HPSE2: variants seen among roughly 807,000 people sequenced by gnomAD.
HPSE2 encodes the protein inactive heparanase-2.
HPSE2 carries 38 observed loss-of-function variants against 60.5 expected under a neutral mutation model. The observed-to-expected ratio is 0.63, with a 90% CI of 0.48 to 0.82. The LOEUF (loss-of-function observed/expected upper bound fraction) is 0.82. Ranked by LOEUF, HPSE2 falls within the 40% of genes least tolerant of loss-of-function variation. The pLI is 0.00. For synonymous variants in HPSE2, 295 were observed against 293.2 expected (o/e 1.01, Z -0.06); for missense variants, 713 against 740.4 (o/e 0.96, Z 0.43).
intron 9 of HPSE2, among the ~76,000 whole-genome samples, chr10:98,529,080 A>C (rs1442925137): frequency 6.6e-6 from 1 of 152,270 alleles, no homozygotes; most frequent in African/African-American, 2.4e-5. Flanking sequence ...GCGCGCACAC[A>C]CACAGACACA....
At chr10:98,895,044 A>G (rs561637787) in intron 3 of HPSE2, among the ~76,000 whole-genome samples, 1 of 152,242 alleles carries the variant, frequency 6.6e-6, no homozygotes, top group Admixed American at 6.5e-5. Flanking sequence ...ACGATTTTTC[A>G]AAAATGAGAG....
At chr10:98,737,695 A>G (rs1949393015) in intron 4 of HPSE2, among the ~76,000 whole-genome samples, 1 of 152,188 alleles carries the variant, frequency 6.6e-6, no homozygotes. Context: ...ACAAACACAG[A>G]GCCAAATCAT....
chr10:99,112,542 G>A (rs1564816762), intron 3 of HPSE2, among the ~76,000 whole-genome samples: 1 of 152,042 alleles, frequency 6.6e-6, no homozygotes, highest in East Asian at 1.9e-4. Context: ...GTTTGCCTCG[G>A]CCTCCCAAAG....
intron 11 of HPSE2, among the ~76,000 whole-genome samples, chr10:98,480,697 A>T (rs1941202857): frequency 6.6e-6 from 1 of 152,108 alleles, no homozygotes; most frequent in East Asian, 1.9e-4. Context: ...GCTTTTTTGT[A>T]ATTCTTAGCA....
intron 2 of HPSE2, among the ~76,000 whole-genome samples, chr10:99,159,885 A>G (rs997258294): frequency 1.3e-5 from 2 of 152,194 alleles, no homozygotes; most frequent in Non-Finnish European, 2.9e-5. Context: ...TCACATCTGT[A>G]ATGCCAGCAT....
intron 9 of HPSE2, among the ~76,000 whole-genome samples, chr10:98,575,413 A>G (rs1944615016): frequency 6.6e-6 from 1 of 152,238 alleles, no homozygotes; most frequent in East Asian, 1.9e-4. Flanking sequence ...GATAGAACTC[A>G]TCAATTCTAA....
intron 9 of HPSE2, among the ~76,000 whole-genome samples, chr10:98,493,579 A>C (rs1480877539): frequency 2.0e-5 from 3 of 152,114 alleles, no homozygotes; most frequent in African/African-American, 7.2e-5. Flanking sequence ...AAAATTTAAA[A>C]TCTATTTTGT....
intron 3 of HPSE2, among the ~76,000 whole-genome samples, chr10:99,015,125 C>T (rs1280567391): frequency 6.6e-6 from 1 of 152,032 alleles, no homozygotes; most frequent in Non-Finnish European, 1.5e-5. Flanking sequence ...GAGATACCAT[C>T]TCACACCAGT....
chr10:99,186,127 C>CACACACACACACACACACACACACACAT (rs1848005338), intron 2 of HPSE2, among the ~76,000 whole-genome samples: 3 of 147,452 alleles, frequency 2.0e-5, no homozygotes, highest in African/African-American at 7.5e-5. Context: ...CACACACACA[C>CACACACACACACACACACACACACACAT]ACACACACAC....
At chr10:99,237,287 C>G (rs775984059), upstream of HPSE2, among the ~76,000 whole-genome samples, 37 of 152,238 alleles carry the variant, frequency 2.4e-4, no homozygotes, top group Middle Eastern at 3.4e-3. Flanking sequence ...CCAGGGCCCT[C>G]CTTGGTATCA....
chr10:98,903,430 T>C (rs1217714570), intron 3 of HPSE2, among the ~76,000 whole-genome samples: 1 of 152,090 alleles, frequency 6.6e-6, no homozygotes, highest in Admixed American at 6.6e-5. Context: ...GTGAATTATA[T>C]CTCAAGAAAG....
chr10:99,042,170 T>A (rs891910365), intron 3 of HPSE2, among the ~76,000 whole-genome samples: 2 of 151,534 alleles, frequency 1.3e-5, no homozygotes, highest in Admixed American at 6.6e-5. Context: ...CCCAACAGGC[T>A]AGGGAGGAAA....
the HPSE2 span, among the ~76,000 whole-genome samples, chr10:99,277,552 T>C: frequency 6.6e-6 from 1 of 152,216 alleles, no homozygotes. Flanking sequence ...GAGAGCTCCA[T>C]GAGCCCTTCT....
chr10:98,858,952 G>A (rs1254196844), intron 3 of HPSE2, among the ~76,000 whole-genome samples: 3 of 151,920 alleles, frequency 2.0e-5, no homozygotes, highest in Non-Finnish European at 4.4e-5. Context: ...TTTCATAGTC[G>A]AGACCTCACT....
chr10:98,523,955 AG>A (rs1323949182), intron 9 of HPSE2, among the ~76,000 whole-genome samples: 1 of 152,220 alleles, frequency 6.6e-6, no homozygotes, highest in Non-Finnish European at 1.5e-5. Context: ...ACAATAGCTT[AG>A]GGGCCTTTCA....
intron 9 of HPSE2, among the ~76,000 whole-genome samples, chr10:98,590,179 A>T (rs1272383518): frequency 6.6e-6 from 1 of 152,252 alleles, no homozygotes. Context: ...GTGGTGGCTC[A>T]TGCCTGCAAT....
chr10:99,279,306 A>G, the HPSE2 span, among the ~76,000 whole-genome samples: 5 of 152,288 alleles, frequency 3.3e-5, no homozygotes, highest in Middle Eastern at 3.4e-3. Flanking sequence ...TATATACAGA[A>G]AGGCAGGATG....
intron 6 of HPSE2, among the ~76,000 whole-genome samples, chr10:98,679,815 C>T (rs1281013249): frequency 6.6e-6 from 1 of 151,916 alleles, no homozygotes; most frequent in African/African-American, 2.4e-5. Context: ...CCTCAGTGTC[C>T]TGTGTAGCTA....
chr10:98,824,538 T>G (rs187642622), intron 3 of HPSE2, among the ~76,000 whole-genome samples: 5 of 152,350 alleles, frequency 3.3e-5, no homozygotes, highest in Admixed American at 6.5e-5. Flanking sequence ...AAAGTGTCAC[T>G]CAATTTATCT....
Sources: gnomAD v4.1 joint callset for allele counts (sites outside exome capture counted in the v4.1 genomes callset) on GRCh38, gnomAD v4.1.1 for gene constraint, MANE v1.5 for transcripts, NCBI Gene and HGNC (gene_info 2026-07-23, HGNC 2026-07-21) for gene names.